Variants in PKNOX1 observed in about 807,000 individuals in gnomAD.
PKNOX1 encodes homeobox protein PKNOX1.
In PKNOX1, 15 loss-of-function variants were observed where a neutral mutation model predicts 51.9. The ratio of observed to expected loss-of-function variants is 0.29; its 90% CI spans 0.19 to 0.45. The LOEUF is 0.45. Among genes scored for constraint, PKNOX1 ranks in the 20% least tolerant of loss-of-function variants. The pLI is 1.00. For synonymous variants in PKNOX1, 219 were observed against 211.1 expected (o/e 1.04, Z -0.32); for missense variants, 462 against 547.5 (o/e 0.84, Z 1.56).
rs1234477276 is a variant in PKNOX1 at position 43,030,058 on chromosome 21, A to G, written c.1268A>G (p.His423Arg). Residue 423 changes from histidine (H) to arginine (R), a missense_variant, in exon 11 of 11, where the codon CAC (histidine) becomes CGC (arginine). Physicochemically the swap from His to Arg is conservative, Grantham distance 29. Coordinates refer to ENST00000291547, the MANE Select transcript of PKNOX1 (RefSeq NM_004571.5). ...GATGCGGGTGCCCTGGCCCCTGCCC[A>G]CATCAGCGGGCTGGTCTTGGAGAAC... ...EEDAGALAPA[H>R]ISGLVLENSD... 1 of 1,610,352 alleles carries G rather than the reference A, an allele frequency of 6.2e-7. No individual in the cohort carries two copies. Among genetic ancestry groups the G allele is most frequent in the South Asian group, 1.1e-5 (1 of 90,996 alleles).
intron 1 of PKNOX1, among the ~76,000 whole-genome samples, chr21:42,977,417 AC>A (rs2059002588): frequency 6.6e-6 from 1 of 151,902 alleles, no homozygotes; most frequent in African/African-American, 2.4e-5. Context: ...TCTTAGCTAG[AC>A]CTGGATAACC....
At chr21:43,001,473 C>A (rs576195433) in intron 1 of PKNOX1, among the ~76,000 whole-genome samples, 19 of 152,252 alleles carry the variant, frequency 1.2e-4, no homozygotes, top group African/African-American at 4.3e-4. Flanking sequence ...GCTGGCACTC[C>A]CACATCCTTG....
chr21:43,029,420 C>CTTTTTTTTTTTTTTT (rs1568906878), intron 10 of PKNOX1, among the ~76,000 whole-genome samples: 3 of 87,500 alleles, frequency 3.4e-5, no homozygotes, highest in South Asian at 3.9e-4. Context: ...TATTTGTTTG[C>CTTTTTTTTTTTTTTT]TTTGTTTTTT....
Position 43,007,566 on chromosome 21 carries a change from C to A in PKNOX1, c.127C>A (p.Pro43Thr). Residue 43 changes from proline to threonine, a missense_variant, in exon 3 of 11, where the codon CCC (proline) becomes ACC (threonine). Physicochemically the swap from Pro to Thr is conservative, Grantham distance 38. Around this residue, in one of 5 missense-constraint regions of PKNOX1, gnomAD observed 129 missense variants for 133.4 expected, o/e 0.97. Coordinates refer to ENST00000291547, the MANE Select transcript of PKNOX1 (RefSeq NM_004571.5). ...SEPDAEGVSPPPVESQTPMDV... is the reference protein window; with the variant it reads ...SEPDAEGVSPTPVESQTPMDV... ...ACCCGATGCAGAAGGAGTGAGCCCT[C>A]CCCCTGTGGAGTCTCAGACCCCGAT... 6.2e-7 allele frequency: 1 copy of A among 1,614,102 alleles called. No homozygotes were observed. The highest frequency in any genetic ancestry group is 2.2e-5 in the East Asian group (1 of 44,882).
intron 1 of PKNOX1, among the ~76,000 whole-genome samples, chr21:42,978,537 G>A (rs2059010268): frequency 7.0e-6 from 1 of 143,772 alleles, no homozygotes; most frequent in Non-Finnish European, 1.5e-5. Flanking sequence ...AGGCTAGAGT[G>A]CAGTGGCGCG....
chr21:43,008,682 G>A (rs1979106768), intron 3 of PKNOX1, among the ~76,000 whole-genome samples: 1 of 152,168 alleles, frequency 6.6e-6, no homozygotes. Flanking sequence ...TGGAGGCTGA[G>A]GTGGGAGAAT....
chr21:43,004,746 G>T (rs1478008892), intron 2 of PKNOX1, among the ~76,000 whole-genome samples: 1 of 152,210 alleles, frequency 6.6e-6, no homozygotes, highest in Non-Finnish European at 1.5e-5. Flanking sequence ...CATGATGACA[G>T]ATTCCCATGT....
At chr21:43,018,047 CAAAAAA>C (rs60175567) in intron 6 of PKNOX1, 80 bp from the exon 7 acceptor site, 42 of 279,898 alleles carry the variant, frequency 1.5e-4, no homozygotes, top group East Asian at 5.2e-4. Context: ...CCTGTCTCTA[CAAAAAA>C]AAAAAAAAAA....
At chr21:42,975,148 G>A (rs1231271587) in intron 1 of PKNOX1, among the ~76,000 whole-genome samples, 1 of 145,462 alleles carries the variant, frequency 6.9e-6, no homozygotes, top group African/African-American at 2.5e-5. Context: ...GCGTGGGGCC[G>A]GTCGGGTCCG....
At chr21:42,994,891 GTTTCT>G (rs1042636978) in intron 1 of PKNOX1, among the ~76,000 whole-genome samples, 20 of 132,558 alleles carry the variant, frequency 1.5e-4, no homozygotes, top group East Asian at 2.3e-4. Context: ...TTTGGTTGTT[GTTTCT>G]TTTCTTTTCT....
intron 4 of PKNOX1, 58 bp downstream of exon 4, chr21:43,010,282 T>G: frequency 9.6e-7 from 1 of 1,042,026 alleles, no homozygotes; most frequent in Non-Finnish European, 1.4e-6. Flanking sequence ...TCATGAAATT[T>G]TAGGCTTCTA....
At chr21:43,008,139 A>AT (rs1391203367) in intron 3 of PKNOX1, among the ~76,000 whole-genome samples, 1 of 152,116 alleles carries the variant, frequency 6.6e-6, no homozygotes, top group Admixed American at 6.6e-5. Flanking sequence ...TAGAATATCA[A>AT]TCTATAAATT....
chr21:43,019,221 C>T (rs575953621), intron 7 of PKNOX1, among the ~76,000 whole-genome samples: 5 of 151,510 alleles, frequency 3.3e-5, no homozygotes, highest in African/African-American at 9.7e-5. Flanking sequence ...AGTGGAACCC[C>T]GTCTCTACTA....
intron 3 of PKNOX1, among the ~76,000 whole-genome samples, chr21:43,008,642 G>A (rs1180556877): frequency 1.3e-5 from 2 of 152,110 alleles, no homozygotes; most frequent in Admixed American, 1.3e-4. Context: ...AGCCGGGTGT[G>A]GTGGTGCATG....
chr21:43,032,363 T>A lies in PKNOX1; in HGVS notation c.*2262T>A. ...CGGCTGCTTGCTCTTTAGTGTAGAT[T>A]AGTGGAAGCCATTCACAGAATGTAG... On this transcript the variant is annotated 3_prime_UTR_variant, in exon 11 of 11. Transcript: ENST00000291547. 4.3e-6 allele frequency: 1 copy of A among 231,946 alleles called. No homozygotes were observed. The highest frequency in any genetic ancestry group is 9.5e-6 in the Non-Finnish European group (1 of 105,458). The allele number at this position is 231,946 out of a possible 1,614,324, so 14.4% of individuals were successfully genotyped here.
At chr21:43,025,136 C>T (rs1979936070) in intron 9 of PKNOX1, among the ~76,000 whole-genome samples, 189 bp downstream of exon 9, 1 of 152,200 alleles carries the variant, frequency 6.6e-6, no homozygotes, top group Non-Finnish European at 1.5e-5. Flanking sequence ...ATCCTCCCAC[C>T]TCAGCTTCTC....
rs1480816281 is a variant in PKNOX1 at position 43,031,462 on chromosome 21, C to T, written c.*1361C>T. ...CGTGAGATTTGGAATAACTGTAGGA[C>T]TTCTGTTTCCTGGTAACAAGATGAA... On this transcript the variant is annotated 3_prime_UTR_variant, in exon 11 of 11. Coordinates refer to ENST00000291547, the MANE Select transcript of PKNOX1 (RefSeq NM_004571.5). 6.6e-6 allele frequency: 1 copy of T among 152,256 alleles called. No individual in the cohort carries two copies. The highest frequency in any genetic ancestry group is 1.9e-4 in the East Asian group (1 of 5,192). 9.4% of individuals were successfully genotyped at this position (152,256 alleles called of 1,614,324 possible).
At chr21:43,026,818 C>T (rs234722) in intron 9 of PKNOX1, among the ~76,000 whole-genome samples, 42,462 of 138,346 alleles carry the variant, frequency 0.31, 6,450 homozygotes, top group Non-Finnish European at 0.36. Context: ...CCAGGTCTCG[C>T]TGGGGTTGTG....
chr21:43,000,513 A>G (rs920338305), intron 1 of PKNOX1, among the ~76,000 whole-genome samples: 1 of 152,214 alleles, frequency 6.6e-6, no homozygotes, highest in Non-Finnish European at 1.5e-5. Context: ...TATCAGGAGA[A>G]CAACATGGGA....
Sources: gnomAD v4.1 joint callset for allele counts (sites outside exome capture counted in the v4.1 genomes callset) on GRCh38, gnomAD v4.1.1 for gene constraint, gnomAD v4.1.1 regional missense constraint, MANE v1.5 for transcripts, NCBI Gene and HGNC (gene_info 2026-07-23, HGNC 2026-07-21) for gene names.